Variants in ZNF717 observed in about 807,000 individuals in gnomAD.
The protein encoded by ZNF717 is zinc finger protein 717.
In ZNF717, 9 loss-of-function variants were observed where a neutral mutation model predicts 13.8. The ratio of observed to expected loss-of-function variants is 0.65; its 90% CI spans 0.39 to 1.14. The LOEUF (loss-of-function observed/expected upper bound fraction) is 1.14. Among genes scored for constraint, ZNF717 ranks in the 50% most tolerant of loss-of-function variants. The pLI is 0.01. For synonymous variants in ZNF717, 327 were observed against 364.1 expected (o/e 0.90, Z 1.16); for missense variants, 1,040 against 1,080.7 (o/e 0.96, Z 0.53).
At chr3:75,751,473 G>A (rs1022474635) in intron 2 of ZNF717, among the ~76,000 whole-genome samples, 2 of 150,330 alleles carry the variant, frequency 1.3e-5, no homozygotes, top group Admixed American at 6.6e-5. Context: ...CCTCACATAG[G>A]ATTCCAGAAC....
At chr3:75,783,446 C>T (rs1214661250) in intron 1 of ZNF717, 82 bp from the exon 2 acceptor site, 3 of 1,111,504 alleles carry the variant, frequency 2.7e-6, no homozygotes, top group Non-Finnish European at 3.9e-6. Flanking sequence ...ACACTCTAGA[C>T]ACATTACCTG....
chr3:75,761,700 G>A (rs1288348785), intron 2 of ZNF717, among the ~76,000 whole-genome samples: 1 of 152,236 alleles, frequency 6.6e-6, no homozygotes, highest in Non-Finnish European at 1.5e-5. Flanking sequence ...ACACAAGTCA[G>A]TTGCATTTCT....
At chr3:75,779,315 A>T (rs1443757538) in intron 2 of ZNF717, among the ~76,000 whole-genome samples, 1 of 152,046 alleles carries the variant, frequency 6.6e-6, no homozygotes, top group Non-Finnish European at 1.5e-5. Context: ...AGAAACCTAA[A>T]ACAATGGGAG....
chr3:75,706,730 G>T (rs1364177169), downstream of ZNF717, among the ~76,000 whole-genome samples: 3 of 152,294 alleles, frequency 2.0e-5, no homozygotes, highest in Non-Finnish European at 4.4e-5. Flanking sequence ...TGGACTATTA[G>T]CTATCGAGAG....
At chr3:75,711,665 G>C (rs1282556287) in intron 5 of ZNF717, among the ~76,000 whole-genome samples, 58 of 152,268 alleles carry the variant, frequency 3.8e-4, no homozygotes, top group South Asian at 2.7e-3. Context: ...AGGAGGCTGA[G>C]ATTAGAGGAT....
At chr3:75,705,096 T>C (rs1477993877), downstream of ZNF717, among the ~76,000 whole-genome samples, 2 of 147,228 alleles carry the variant, frequency 1.4e-5, no homozygotes, top group African/African-American at 5.1e-5. Flanking sequence ...TTCTTAACCA[T>C]AAGGTCATCT....
In ZNF717 at chr3:75,737,102, G is replaced by A. The variant is rs1317804656; in HGVS notation, c.2521C>T (p.Pro841Ser). 6 of 1,578,904 alleles carry A rather than the reference G, an allele frequency of 3.8e-6. No individual in the cohort carries two copies. The South Asian group carries it at 4.6e-5, about 12-fold the overall frequency. ...VHHRTHTGEK[P>S]FRCNECRKTF... ...TTCCTACATTCATTACATCTAAAGG[G>A]TTTTTCCCCTGTGTGAGTTCTGTGA... Residue 841 changes from proline to serine, a missense_variant, in exon 5 of 5, where the codon CCC becomes TCC. Pro to Ser is a moderately conservative substitution (Grantham distance 74). Transcript: ENST00000652011.
At chr3:75,717,779 G>A (rs149117048) in intron 4 of ZNF717, among the ~76,000 whole-genome samples, 1 of 151,866 alleles carries the variant, frequency 6.6e-6, no homozygotes, top group Admixed American at 6.6e-5. Context: ...GACAATATTG[G>A]CAATACAGTA....
rs77250491 is a variant in ZNF717, at chr3:75,737,468, T to C, written c.2155A>G (p.Arg719Gly). ...CCCCGTGTGAATACCTTGATGCTTC[T>C]GAAGATTTGCCTTCTGATGAAAGGA... ...ENPFIRRQIF[R>G]SIKVFTRGRN... The change falls in exon 5 of 5, where the codon AGA becomes GGA. Residue 719 changes from arginine (R) to glycine (G), a missense_variant. This residue lies in a region of ZNF717 where 873 missense variants were observed against 832.8 expected (regional missense o/e 1.05). Coordinates refer to ENST00000652011, the MANE Select transcript of ZNF717 (RefSeq NM_001290208.3). 4 of 1,555,310 alleles carry C rather than the reference T, an allele frequency of 2.6e-6. No individual in the cohort carries two copies. The highest frequency in any genetic ancestry group is 1.7e-4 in the Middle Eastern group (1 of 6,020).
chr3:75,737,832 C>T lies in ZNF717; in HGVS notation c.1791G>A (p.Glu597=). Reference sequence around the variant, plus strand: ...GGTTTAACTTATTGATAAAGGTTTTCTCACATTCATTACATTCATAGGGTT... The same window carrying T: ...GGTTTAACTTATTGATAAAGGTTTTTTCACATTCATTACATTCATAGGGTT... The part of the protein sequence containing the change: ...GKKPYECNEC[E]KTFINKLNLG... Residue 597 remains glutamate (E), a synonymous_variant, in exon 5 of 5, where the codon GAG becomes GAA. Coordinates refer to ENST00000652011, the MANE Select transcript of ZNF717 (RefSeq NM_001290208.3). The T allele has an allele frequency of 6.4e-6, 10 of 1,550,792 alleles. No homozygotes were observed. Among genetic ancestry groups the T allele is most frequent in the Non-Finnish European group, 8.7e-6 (10 of 1,146,956 alleles).
chr3:75,744,770 A>G (rs1409839681), intron 2 of ZNF717, among the ~76,000 whole-genome samples: 12 of 152,244 alleles, frequency 7.9e-5, no homozygotes, highest in Non-Finnish European at 1.5e-4. Context: ...AAGGAAAACC[A>G]TTTTGAAATA....
At chr3:75,704,768 G>A (rs1937768437), downstream of ZNF717, among the ~76,000 whole-genome samples, 1 of 152,302 alleles carries the variant, frequency 6.6e-6, no homozygotes, top group Admixed American at 6.5e-5. Context: ...CAGGAAAGAG[G>A]CCCCAAACAG....
chr3:75,755,882 G>A (rs553394424), intron 2 of ZNF717, among the ~76,000 whole-genome samples: 1 of 152,362 alleles, frequency 6.6e-6, no homozygotes. Flanking sequence ...TTAATCCAAT[G>A]ATATCAATAA....
intron 2 of ZNF717, among the ~76,000 whole-genome samples, chr3:75,746,117 T>C (rs1429849981): frequency 1.3e-4 from 20 of 152,126 alleles, no homozygotes; most frequent in Non-Finnish European, 2.5e-4. Context: ...AGTGAGAACA[T>C]GTGGTGTTTG....
intron 2 of ZNF717, among the ~76,000 whole-genome samples, chr3:75,767,583 A>G (rs1244296383): frequency 1.3e-5 from 2 of 152,206 alleles, no homozygotes; most frequent in Non-Finnish European, 1.5e-5. Flanking sequence ...GAGGGCCTGA[A>G]GGACAGTGAG....
intron 2 of ZNF717, among the ~76,000 whole-genome samples, chr3:75,776,289 C>A (rs1252218679): frequency 1.3e-5 from 2 of 152,244 alleles, no homozygotes; most frequent in African/African-American, 2.4e-5. Flanking sequence ...TAGTTTATAA[C>A]CAATGTTTGG....
chr3:75,745,150 TCTG>T (rs1335514275), intron 2 of ZNF717, among the ~76,000 whole-genome samples: 2 of 105,838 alleles, frequency 1.9e-5, no homozygotes, highest in Admixed American at 1.0e-4. Context: ...GCTGCTGTGG[TCTG>T]TTGTTTTTTT....
At chr3:75,785,355 C>T (rs1480097469) in intron 1 of ZNF717, 29 bp downstream of exon 1, 1 of 153,956 alleles carries the variant, frequency 6.5e-6, no homozygotes, top group Non-Finnish European at 1.4e-5. Flanking sequence ...CCTGTCCTCC[C>T]AGCCCCCGCC....
chr3:75,769,519 T>C (rs1943739036), intron 2 of ZNF717, among the ~76,000 whole-genome samples: 1 of 152,222 alleles, frequency 6.6e-6, no homozygotes, highest in Non-Finnish European at 1.5e-5. Flanking sequence ...CCAGCAAGGT[T>C]ACTGGTATGT....
Sources: gnomAD v4.1 joint callset for allele counts (sites outside exome capture counted in the v4.1 genomes callset) on GRCh38, gnomAD v4.1.1 for gene constraint, gnomAD v4.1.1 regional missense constraint, MANE v1.5 for transcripts, NCBI Gene and HGNC (gene_info 2026-07-23, HGNC 2026-07-21) for gene names.